PRDM5: variants seen among roughly 807,000 people sequenced by gnomAD.
PRDM5 encodes PR domain zinc finger protein 5.
In PRDM5, 56 loss-of-function variants were observed where a neutral mutation model predicts 81.2. That is an observed-to-expected ratio of 0.69 (90% CI 0.56 to 0.86). The LOEUF (loss-of-function observed/expected upper bound fraction) is 0.86. PRDM5 is among the 40% of genes least tolerant of loss of function. The pLI is 0.00. For synonymous variants in PRDM5, 267 were observed against 256.4 expected (o/e 1.04, Z -0.39); for missense variants, 697 against 770.1 (o/e 0.91, Z 1.12).
At chr4:120,735,589 TG>T (rs1740985830) in intron 14 of PRDM5, among the ~76,000 whole-genome samples, 1 of 152,092 alleles carries the variant, frequency 6.6e-6, no homozygotes, top group Admixed American at 6.5e-5. Flanking sequence ...GTCTGGAGGC[TG>T]GATGGGAGAT....
intron 3 of PRDM5, among the ~76,000 whole-genome samples, chr4:120,827,614 C>A (rs1270998766): frequency 1.3e-5 from 2 of 152,098 alleles, no homozygotes; most frequent in Non-Finnish European, 2.9e-5. Flanking sequence ...GAAAAAACTA[C>A]TATCATCAGT....
At chr4:120,836,603 A>C (rs895555244) in intron 3 of PRDM5, among the ~76,000 whole-genome samples, 1 of 152,204 alleles carries the variant, frequency 6.6e-6, no homozygotes, top group Non-Finnish European at 1.5e-5. Context: ...ATATATTTAA[A>C]AGGTACTTAA....
chr4:120,829,554 C>T (rs564106554), intron 3 of PRDM5, among the ~76,000 whole-genome samples: 1 of 152,198 alleles, frequency 6.6e-6, no homozygotes, highest in African/African-American at 2.4e-5. Context: ...AAATACTAGT[C>T]CCCACTGTGT....
In PRDM5 at chr4:120,783,075, A is replaced by C. The variant is rs559096296; in HGVS notation, c.1283-1772T>G. On this transcript the variant is annotated intron_variant, in intron 11 of 15. Coordinates refer to ENST00000264808, the MANE Select transcript of PRDM5 (RefSeq NM_018699.4). Reference sequence around the variant, plus strand: ...AATAGCAACAATTTCCAAAATCATTACAAGTTATTCTTCACATTTTGAGCC... The same window carrying C: ...AATAGCAACAATTTCCAAAATCATTCCAAGTTATTCTTCACATTTTGAGCC... Among the ~76,000 whole-genome samples the C allele has an allele frequency of 1.4e-4, 22 of 152,264 alleles. No homozygotes were observed. The South Asian group carries it at 4.4e-3, about 30-fold the overall frequency.
chr4:120,829,538 A>G (rs960234269), intron 3 of PRDM5, among the ~76,000 whole-genome samples: 92 of 152,220 alleles, frequency 6.0e-4, no homozygotes, highest in African/African-American at 2.1e-3. Flanking sequence ...CTCTTGTTTC[A>G]CAAGGAAATA....
At chr4:120,857,960 G>A (rs1760073979) in intron 2 of PRDM5, among the ~76,000 whole-genome samples, 1 of 152,096 alleles carries the variant, frequency 6.6e-6, no homozygotes, top group Admixed American at 6.6e-5. Flanking sequence ...CAAGAGCAAA[G>A]CCAGTCAGCC....
intron 4 of PRDM5, among the ~76,000 whole-genome samples, chr4:120,819,157 T>A (rs1754936910): frequency 6.6e-6 from 1 of 152,220 alleles, no homozygotes; most frequent in Non-Finnish European, 1.5e-5. Context: ...TGTCATAATA[T>A]TACTGGCAAG....
chr4:120,866,519 C>T (rs929306927), intron 2 of PRDM5, among the ~76,000 whole-genome samples: 3 of 152,130 alleles, frequency 2.0e-5, no homozygotes, highest in African/African-American at 4.8e-5. Flanking sequence ...TGTTAAACAC[C>T]TTTATATATA....
rs547861138 is a variant in PRDM5, at chr4:120,702,942, T to C, written c.1728+7367A>G. Among the ~76,000 whole-genome samples, 5 of 152,312 alleles carry C rather than the reference T, an allele frequency of 3.3e-5. No homozygotes were observed. The South Asian group carries it at 8.3e-4, about 25-fold the overall frequency. ...CTGCAAAGCCTCCAATTCTCTTTTT[T>C]ACTTCACCCTGCATCCCTCTCTTTC... On this transcript the variant is annotated intron_variant, in intron 15 of 15. Transcript: ENST00000264808.
chr4:120,919,045 GCT>G (rs1331728472), intron 1 of PRDM5, among the ~76,000 whole-genome samples: 1 of 152,130 alleles, frequency 6.6e-6, no homozygotes, highest in Non-Finnish European at 1.5e-5. Context: ...GAACAGGCTG[GCT>G]CTCTGCACTT....
At chr4:120,852,547 C>A (rs2149417730) in intron 3 of PRDM5, among the ~76,000 whole-genome samples, 1 of 152,160 alleles carries the variant, frequency 6.6e-6, no homozygotes, top group Non-Finnish European at 1.5e-5. Flanking sequence ...TCAGCTCTTC[C>A]TGGTTCTATA....
chr4:120,812,353 A>C (rs1039115484), intron 7 of PRDM5, among the ~76,000 whole-genome samples: 1 of 152,046 alleles, frequency 6.6e-6, no homozygotes, highest in African/African-American at 2.4e-5. Context: ...CCACCATACC[A>C]TTACCCAAAG....
chr4:120,743,399 A>G (rs1561053872), intron 14 of PRDM5, among the ~76,000 whole-genome samples: 1 of 150,806 alleles, frequency 6.6e-6, no homozygotes, highest in Non-Finnish European at 1.5e-5. Flanking sequence ...AGCTAACATC[A>G]TAATGACAGG....
At position 120,841,923 on chromosome 4, in the gene PRDM5, G is replaced by A. The variant is rs137938490; in HGVS notation, c.300+11495C>T. ...ATAGCCCAGTTCCAGTATATTTAGT[G>A]CAATATTGATTAATTCTCAAATACT... On this transcript the variant is annotated intron_variant, in intron 3 of 15. Coordinates refer to ENST00000264808, the MANE Select transcript of PRDM5 (RefSeq NM_018699.4). 6.6e-5 allele frequency among the ~76,000 whole-genome samples: 10 copies of A among 152,214 alleles called. No homozygotes were observed. The East Asian group carries it at 1.9e-3, about 29-fold the overall frequency.
At chr4:120,691,117 A>T (rs531132468), downstream of PRDM5, among the ~76,000 whole-genome samples, 2 of 152,218 alleles carry the variant, frequency 1.3e-5, no homozygotes, top group South Asian at 2.1e-4. Context: ...TGTGTTAAGA[A>T]TTTTTTTAAA....
chr4:120,715,396 T>C (rs1459809070), intron 14 of PRDM5, among the ~76,000 whole-genome samples: 2 of 152,180 alleles, frequency 1.3e-5, no homozygotes, highest in Non-Finnish European at 2.9e-5. Flanking sequence ...TAAAAAAATA[T>C]GTTTAATGAG....
At chr4:120,860,876 T>C (rs1760487183) in intron 2 of PRDM5, among the ~76,000 whole-genome samples, 1 of 152,200 alleles carries the variant, frequency 6.6e-6, no homozygotes, top group South Asian at 2.1e-4. Flanking sequence ...TTTGGCAGCA[T>C]CCACCAGATC....
At chr4:120,704,828 A>C (rs1284111982) in intron 15 of PRDM5, among the ~76,000 whole-genome samples, 1 of 152,164 alleles carries the variant, frequency 6.6e-6, no homozygotes, top group Non-Finnish European at 1.5e-5. Context: ...CGGGGGAATG[A>C]TATGACAGGG....
intron 2 of PRDM5, among the ~76,000 whole-genome samples, chr4:120,905,413 C>T (rs1486680368): frequency 6.6e-6 from 1 of 152,146 alleles, no homozygotes; most frequent in African/African-American, 2.4e-5. Flanking sequence ...CGGTTAACAT[C>T]TAACAATCAA....
Sources: gnomAD v4.1 joint callset for allele counts (sites outside exome capture counted in the v4.1 genomes callset) on GRCh38, gnomAD v4.1.1 for gene constraint, MANE v1.5 for transcripts, NCBI Gene and HGNC (gene_info 2026-07-23, HGNC 2026-07-21) for gene names.